The following MRTFB variants were observed in gnomAD, a reference collection of about 807,000 sequenced individuals.
The protein encoded by MRTFB is myocardin-related transcription factor B.
MRTFB carries 29 observed loss-of-function variants against 104.2 expected under a neutral mutation model. That is an observed-to-expected ratio of 0.28 (90% CI 0.21 to 0.38). The LOEUF is 0.38. Among genes scored for constraint, MRTFB ranks in the 10% least tolerant of loss-of-function variants. The probability of loss-of-function intolerance (pLI) is 1.00; values close to 1 mark genes in which losing one functional copy is unlikely to be tolerated. For missense variants in MRTFB, 1,270 were observed against 1,341.6 expected, an observed-to-expected ratio of 0.95 and a Z score of 0.83; for synonymous variants, 535 against 519.5, an observed-to-expected ratio of 1.03 and a Z score of -0.41.
intron 2 of MRTFB, among the ~76,000 whole-genome samples, chr16:14,097,972 A>C (rs897948460): frequency 1.3e-5 from 2 of 152,074 alleles, no homozygotes; most frequent in Non-Finnish European, 2.9e-5. Context: ...ATATCTGTTC[A>C]CTGTTTTTGT....
At chr16:14,056,770 ATCTATCTG>A in the MRTFB span, among the ~76,000 whole-genome samples, 2 of 151,696 alleles carry the variant, frequency 1.3e-5, no homozygotes, top group Non-Finnish European at 3.0e-5. Context: ...CTATCTATGT[ATCTATCTG>A]TCTATCTATC....
the MRTFB span, among the ~76,000 whole-genome samples, chr16:14,045,544 G>A: frequency 6.6e-6 from 1 of 152,214 alleles, no homozygotes; most frequent in East Asian, 1.9e-4. Flanking sequence ...GTTCTTGGGA[G>A]GGTTAAATTC....
At chr16:14,019,616 C>T in the MRTFB span, among the ~76,000 whole-genome samples, 1 of 152,216 alleles carries the variant, frequency 6.6e-6, no homozygotes, top group Non-Finnish European at 1.5e-5. Flanking sequence ...GACCCACATA[C>T]TTGGGAATAT....
intron 3 of MRTFB, among the ~76,000 whole-genome samples, chr16:14,168,768 A>G (rs575444756): frequency 6.6e-6 from 1 of 152,212 alleles, no homozygotes. Flanking sequence ...TTAGTTTTCT[A>G]AGTCTGCATG....
chr16:14,084,561 TAAA>T (rs1214498985), intron 2 of MRTFB, among the ~76,000 whole-genome samples: 1 of 151,974 alleles, frequency 6.6e-6, no homozygotes, highest in East Asian at 1.9e-4. Context: ...AAAAGATAAA[TAAA>T]GAAGCTTTAG....
At chr16:14,092,010 A>G (rs2035102669) in intron 2 of MRTFB, among the ~76,000 whole-genome samples, 1 of 105,882 alleles carries the variant, frequency 9.4e-6, no homozygotes, top group Non-Finnish European at 1.7e-5. Context: ...AAAAAAAAAA[A>G]AAAAAAAAAA....
intron 15 of MRTFB, among the ~76,000 whole-genome samples, chr16:14,253,763 C>T (rs376797639): frequency 3.5e-4 from 54 of 152,202 alleles, no homozygotes; most frequent in Middle Eastern, 3.4e-3. Flanking sequence ...CCCTGAGTAC[C>T]GAGGGAACGT....
intron 2 of MRTFB, among the ~76,000 whole-genome samples, chr16:14,111,017 T>G (rs1160804866): frequency 2.0e-5 from 3 of 152,224 alleles, no homozygotes; most frequent in Non-Finnish European, 4.4e-5. Context: ...CTTTGTTTTC[T>G]CTTTCTAACA....
At chr16:14,041,359 GC>G in the MRTFB span, among the ~76,000 whole-genome samples, 3 of 152,020 alleles carry the variant, frequency 2.0e-5, no homozygotes, top group African/African-American at 7.3e-5. Context: ...CCTAACCCTA[GC>G]CCCCGGCAAC....
intron 3 of MRTFB, among the ~76,000 whole-genome samples, chr16:14,184,222 A>ATTTTTT (rs561797213): frequency 1.5e-5 from 2 of 134,962 alleles, no homozygotes; most frequent in Non-Finnish European, 1.6e-5. Context: ...AAAGTATTTG[A>ATTTTTT]TTTTTTTTTT....
intron 4 of MRTFB, among the ~76,000 whole-genome samples, chr16:14,210,946 G>A (rs1474039063): frequency 6.6e-6 from 1 of 152,150 alleles, no homozygotes; most frequent in African/African-American, 2.4e-5. Flanking sequence ...ATATTTTAGT[G>A]GGGAGGAGTG....
intron 3 of MRTFB, among the ~76,000 whole-genome samples, chr16:14,169,821 T>C (rs1321122648): frequency 1.3e-5 from 2 of 152,158 alleles, no homozygotes; most frequent in African/African-American, 4.8e-5. Context: ...GTCAAGGGGT[T>C]TGAGACCAGC....
At chr16:14,133,002 CAA>C (rs1409695781) in intron 2 of MRTFB, among the ~76,000 whole-genome samples, 1 of 152,088 alleles carries the variant, frequency 6.6e-6, no homozygotes, top group Non-Finnish European at 1.5e-5. Flanking sequence ...TGTTTAGAAA[CAA>C]AGATATGTTG....
At chr16:14,057,397 C>T in the MRTFB span, among the ~76,000 whole-genome samples, 1 of 152,232 alleles carries the variant, frequency 6.6e-6, no homozygotes, top group Admixed American at 6.5e-5. Context: ...TTAACCATCT[C>T]ATTGATTTCT....
intron 3 of MRTFB, among the ~76,000 whole-genome samples, chr16:14,176,867 T>C (rs2039599738): frequency 6.6e-6 from 1 of 152,226 alleles, no homozygotes; most frequent in South Asian, 2.1e-4. Context: ...TGTCATCACA[T>C]GGTGTGCTGA....
the MRTFB span, among the ~76,000 whole-genome samples, chr16:14,047,666 A>T: frequency 6.6e-6 from 1 of 152,164 alleles, no homozygotes; most frequent in African/African-American, 2.4e-5. Flanking sequence ...GCAAAAGGGG[A>T]AACCCCTTAT....
At chr16:14,072,145 A>G (rs1422748811) in intron 1 of MRTFB, among the ~76,000 whole-genome samples, 3 of 152,176 alleles carry the variant, frequency 2.0e-5, no homozygotes, top group South Asian at 4.1e-4. Context: ...TTGTTTCAGC[A>G]CGCGATTCCA....
At chr16:14,158,688 A>G (rs1352579922) in intron 3 of MRTFB, among the ~76,000 whole-genome samples, 1 of 152,226 alleles carries the variant, frequency 6.6e-6, no homozygotes, top group Admixed American at 6.5e-5. Flanking sequence ...AAAGCTAAAA[A>G]GAGTTAAGAT....
intron 2 of MRTFB, among the ~76,000 whole-genome samples, chr16:14,080,893 A>G (rs1596722363): frequency 6.6e-6 from 1 of 152,190 alleles, no homozygotes; most frequent in South Asian, 2.1e-4. Context: ...CATTTTCGTT[A>G]TCCATTCATC....
Sources: allele counts gnomAD v4.1 joint callset (sites outside exome capture counted in the v4.1 genomes callset), GRCh38; gene constraint gnomAD v4.1.1; transcripts MANE v1.5; gene names NCBI Gene and HGNC (gene_info 2026-07-23, HGNC 2026-07-21).